Variants in JPH2 observed in about 807,000 individuals in gnomAD.
The protein encoded by JPH2 is junctophilin-2.
Under a neutral mutation model 55.9 loss-of-function variants are expected in JPH2, and 38 were observed. The observed-to-expected ratio is 0.68, with a 90% confidence interval of 0.52 to 0.89. The LOEUF (loss-of-function observed/expected upper bound fraction) is 0.89, where lower values mean the gene tolerates loss of function less well. JPH2 is among the 40% of genes least tolerant of loss of function. JPH2 has a pLI of 0.00. For missense variants in JPH2, 964 were observed against 1,037.6 expected (o/e 0.93, Z 0.97); for synonymous variants, 480 against 472.4 (o/e 1.02, Z -0.21).
rs552755654 is a variant in JPH2 at position 44,182,061 on chromosome 20, C to CT, written c.379+4265dup. On this transcript the variant is annotated intron_variant, in intron 1 of 5. Coordinates refer to ENST00000372980, the MANE Select transcript of JPH2 (RefSeq NM_020433.5). ...AGTACTCATTCATCCCAGGAGAAGTCTTTTGAGAGATTAGGATAGGTCCAT... is the reference window on the plus strand; with the variant it reads ...AGTACTCATTCATCCCAGGAGAAGTCTTTTTGAGAGATTAGGATAGGTCCAT... Among the ~76,000 whole-genome samples, 22 of 152,308 alleles carry CT rather than the reference C, an allele frequency of 1.4e-4. No homozygotes were observed. The East Asian group carries it at 1.7e-3, about 12-fold the overall frequency.
intron 1 of JPH2, chr20:44,177,259 C>T: frequency 1.0e-6 from 1 of 985,948 alleles, no homozygotes. Context: ...TCCCCCTCGC[C>T]CCACACCCCA....
intron 1 of JPH2, among the ~76,000 whole-genome samples, chr20:44,166,833 G>A (rs548691195): frequency 5.2e-4 from 79 of 152,180 alleles, no homozygotes; most frequent in Non-Finnish European, 1.0e-3. Context: ...GGCCTCCTCC[G>A]ATACCCTTTG....
rs879943832 is a variant in JPH2, at chr20:44,123,427, G to A, written c.1170-4804C>T. Among the ~76,000 whole-genome samples the A allele has an allele frequency of 5.5e-3, 832 of 152,258 alleles. 4 individuals carry two copies. The highest frequency in any genetic ancestry group is 8.5e-3 in the Non-Finnish European group (576 of 68,000). On this transcript the variant is annotated intron_variant, in intron 2 of 5. Transcript: ENST00000372980. ...TCCTACAGCTGCTCCTACACACAGC[G>A]GCTCAGCGAGCTTGCTTAACCACAC...
At chr20:44,172,729 T>A (rs549735667) in intron 1 of JPH2, among the ~76,000 whole-genome samples, 1 of 152,218 alleles carries the variant, frequency 6.6e-6, no homozygotes, top group East Asian at 1.9e-4. Flanking sequence ...ACTCAAGCAA[T>A]CCTCCTGTCT....
intron 2 of JPH2, among the ~76,000 whole-genome samples, chr20:44,148,260 CG>C (rs2072506326): frequency 6.6e-6 from 1 of 152,164 alleles, no homozygotes; most frequent in Non-Finnish European, 1.5e-5. Context: ...ACTTAGTGGC[CG>C]CCACATATTA....
intron 2 of JPH2, among the ~76,000 whole-genome samples, chr20:44,133,449 T>C (rs1273125541): frequency 6.6e-6 from 1 of 152,104 alleles, no homozygotes; most frequent in African/African-American, 2.4e-5. Flanking sequence ...ATAGGGAAAC[T>C]AGGCCTCCTT....
intron 2 of JPH2, among the ~76,000 whole-genome samples, chr20:44,152,798 G>T (rs1376080529): frequency 1.3e-5 from 2 of 152,278 alleles, no homozygotes; most frequent in East Asian, 3.9e-4. Flanking sequence ...GCCTCCGTGG[G>T]TGCCTACGGC....
rs976324787 is a variant in JPH2, at chr20:44,159,941, A to G, written c.846T>C (p.Asp282=). The part of the protein sequence containing the change: ...GADEAAPFEA[D]IDATTTETYM... ...AGGTCTCGGTGGTGGTGGCGTCGAT[A>G]TCGGCCTCGAAGGGTGCGGCCTCGT... is the stretch of plus-strand genomic sequence containing the variant. The change falls in exon 2 of 6, where the codon GAT becomes GAC. Residue 282 remains aspartate, a synonymous_variant. Coordinates refer to ENST00000372980, the MANE Select transcript of JPH2 (RefSeq NM_020433.5). This position sits in a 1 kb window ranked among gnomAD's most constrained non-coding sequence, Gnocchi z 5.7. 1 of 1,608,592 alleles carries G rather than the reference A, an allele frequency of 6.2e-7. No individual in the cohort carries two copies.
At chr20:44,114,717 C>T in intron 5 of JPH2, 65 bp downstream of exon 5, 1 of 1,211,318 alleles carries the variant, frequency 8.3e-7, no homozygotes, top group Admixed American at 2.0e-5. Flanking sequence ...CTCCCACCAC[C>T]CTGGTGCTCA....
rs1440920206 is a variant in JPH2 at position 44,116,321 on chromosome 20, G to A, written c.1354C>T (p.Pro452Ser). 3.9e-6 allele frequency: 6 copies of A among 1,544,440 alleles called. No individual in the cohort carries two copies. The highest frequency in any genetic ancestry group is 3.6e-5 in the South Asian group (3 of 83,790). The change falls in exon 4 of 6, where the codon CCC becomes TCC. Residue 452 changes from proline (P) to serine (S), a missense_variant. By Grantham distance (74) the Pro-to-Ser change is moderately conservative (BLOSUM62 -1). Transcript: ENST00000372980. ...GCTGCGCCGGCGCCCCGGTCGGGGG[G>A]CTCCAGCAGGCTCTCCGAGTTCTCC... ...ILENSESLLE[P>S]PDRGAGAAGL...
At chr20:44,148,752 T>C (rs919375153) in intron 2 of JPH2, among the ~76,000 whole-genome samples, 1 of 151,946 alleles carries the variant, frequency 6.6e-6, no homozygotes, top group African/African-American at 2.4e-5. Context: ...CTCAACACTC[T>C]CCTTCCTCCA....
chr20:44,116,401 C>A lies in JPH2; in HGVS notation c.1289-15G>T. 6.5e-7 allele frequency: 1 copy of A among 1,546,530 alleles called. No individual in the cohort carries two copies. Among genetic ancestry groups the A allele is most frequent in the East Asian group, 2.4e-5 (1 of 40,858 alleles). On this transcript the variant is annotated splice_polypyrimidine_tract_variant and intron_variant, in intron 3 of 5. Coordinates refer to ENST00000372980, the MANE Select transcript of JPH2 (RefSeq NM_020433.5). Reference sequence around the variant, plus strand: ...ATATTCCGGACCTGCCAGGGCAACACAGGGAGGCTGGGCTCGAACCCCGCA... The same window carrying A: ...ATATTCCGGACCTGCCAGGGCAACAAAGGGAGGCTGGGCTCGAACCCCGCA...
chr20:44,149,799 G>A (rs1232332897), intron 2 of JPH2, among the ~76,000 whole-genome samples: 1 of 152,056 alleles, frequency 6.6e-6, no homozygotes, highest in Non-Finnish European at 1.5e-5. Context: ...CCAACATGGC[G>A]AAACCCCATC....
At position 44,114,805 on chromosome 20, in the gene JPH2, G is replaced by C. The variant is rs2072174646; in HGVS notation, c.2082C>G (p.Leu694=). The C allele has an allele frequency of 6.2e-7, 1 of 1,604,964 alleles. No homozygotes were observed. Among genetic ancestry groups the C allele is most frequent in the Non-Finnish European group, 8.5e-7 (1 of 1,176,504 alleles). ...ACCTGGTAAGCGACGGTCAGGTCAGGAGGTGAACAAAGAGGATGGCCAGGC... is the reference window on the plus strand; with the variant it reads ...ACCTGGTAAGCGACGGTCAGGTCAGCAGGTGAACAAAGAGGATGGCCAGGC... ...NIGLAILFVH[L]LT Residue 694 remains leucine (L), a synonymous_variant, in exon 5 of 6, where the codon CTC becomes CTG. Transcript: ENST00000372980.
At chr20:44,126,000 C>T (rs982974082) in intron 2 of JPH2, among the ~76,000 whole-genome samples, 1 of 151,716 alleles carries the variant, frequency 6.6e-6, no homozygotes, top group Non-Finnish European at 1.5e-5. Flanking sequence ...GGCATGGTGG[C>T]TAATGGACCC....
At chr20:44,176,929 T>TC in intron 1 of JPH2, 1 of 985,474 alleles carries the variant, frequency 1.0e-6, no homozygotes, top group South Asian at 4.7e-5. Context: ...CATGTGTGAC[T>TC]CCAGCTCTAC....
intron 2 of JPH2, among the ~76,000 whole-genome samples, chr20:44,153,090 G>C (rs1034024334): frequency 6.6e-6 from 1 of 152,160 alleles, no homozygotes; most frequent in Non-Finnish European, 1.5e-5. Context: ...CTGGGACTGG[G>C]GCCTGCAGAA....
chr20:44,132,355 GACACAC>G (rs749014190), intron 2 of JPH2, among the ~76,000 whole-genome samples: 269 of 101,276 alleles, frequency 2.7e-3, no homozygotes, highest in South Asian at 8.7e-3. Context: ...CAGACAGACA[GACACAC>G]ACACACACAC....
At position 44,110,661 on chromosome 20, in the gene JPH2, C is replaced by T. The variant is rs1052864228; in HGVS notation, c.*2857G>A. On this transcript the variant is annotated 3_prime_UTR_variant, in exon 6 of 6. Transcript: ENST00000372980. ...GGCCAGGCTGGTCTCAAACTCCTGACCTCAAGTGATCCACCTGCCTCAGCC... is the reference window on the plus strand; with the variant it reads ...GGCCAGGCTGGTCTCAAACTCCTGATCTCAAGTGATCCACCTGCCTCAGCC... Among the ~76,000 whole-genome samples, 2 of 152,176 alleles carry T rather than the reference C, an allele frequency of 1.3e-5. No homozygotes were observed. The highest frequency in any genetic ancestry group is 2.9e-5 in the Non-Finnish European group (2 of 68,032).
Sources: gnomAD v4.1 joint callset for allele counts (sites outside exome capture counted in the v4.1 genomes callset) on GRCh38, gnomAD v4.1.1 for gene constraint, Gnocchi (gnomAD v3.1) non-coding constraint, MANE v1.5 for transcripts, NCBI Gene and HGNC (gene_info 2026-07-23, HGNC 2026-07-21) for gene names.